SV2C: variants seen among roughly 807,000 people sequenced by gnomAD.
The protein encoded by SV2C is solute carrier family 22 member B3.
SV2C carries 49 observed loss-of-function variants against 79.7 expected under a neutral mutation model. The observed-to-expected ratio is 0.61, with a 90% CI of 0.49 to 0.78. The LOEUF (loss-of-function observed/expected upper bound fraction) is 0.78. Among genes scored for constraint, SV2C ranks in the 30% least tolerant of loss-of-function variants. The pLI, the probability that SV2C is intolerant of heterozygous loss-of-function variation, is 0.00. For synonymous variants in SV2C, 334 were observed against 333.2 expected (o/e 1.00, Z -0.03); for missense variants, 833 against 912.9 (o/e 0.91, Z 1.13).
the SV2C span, among the ~76,000 whole-genome samples, chr5:76,058,965 G>A: frequency 6.6e-6 from 1 of 152,072 alleles, no homozygotes; most frequent in Non-Finnish European, 1.5e-5. Context: ...CTAAAAGAAA[G>A]CAAATAATGT....
At chr5:75,987,688 T>G in the SV2C span, among the ~76,000 whole-genome samples, 1 of 152,154 alleles carries the variant, frequency 6.6e-6, no homozygotes, top group Middle Eastern at 3.4e-3. Flanking sequence ...TTCATTTCTC[T>G]CATAAAATAA....
the SV2C span, among the ~76,000 whole-genome samples, chr5:75,945,423 C>T: frequency 6.6e-6 from 1 of 151,822 alleles, no homozygotes; most frequent in Non-Finnish European, 1.5e-5. Flanking sequence ...GTGATCCTCC[C>T]ACCTCAGCCT....
chr5:75,967,100 GAAGT>G, the SV2C span, among the ~76,000 whole-genome samples: 20 of 152,170 alleles, frequency 1.3e-4, no homozygotes, highest in Non-Finnish European at 2.6e-4. Flanking sequence ...TTGAGAGGCT[GAAGT>G]AAGAGGATTG....
chr5:76,150,198 C>CTTT (rs397998189), intron 2 of SV2C, among the ~76,000 whole-genome samples: 1 of 122,408 alleles, frequency 8.2e-6, no homozygotes, highest in South Asian at 2.7e-4. Flanking sequence ...GATTTAATAT[C>CTTT]TTTTTTTTTT....
intron 12 of SV2C, among the ~76,000 whole-genome samples, chr5:76,310,754 T>A (rs1051366710): frequency 1.4e-4 from 21 of 152,124 alleles, no homozygotes; most frequent in African/African-American, 5.1e-4. Flanking sequence ...AAATAACATG[T>A]CTGAGAGGCA....
rs969864524 is a variant in SV2C, at chr5:76,085,410, C to A, written c.-102+1898C>A. On this transcript the variant is annotated intron_variant, in intron 1 of 12. Transcript: ENST00000502798. ...GGTGGAAAATAATAAATCAAATCCA[C>A]GATCCATTTTATTCTTTTTTTTAAA... Among the ~76,000 whole-genome samples the A allele has an allele frequency of 3.3e-5, 5 of 152,280 alleles. No homozygotes were observed. In the East Asian group the frequency reaches 9.6e-4, roughly 29 times the overall value.
chr5:76,177,492 A>G (rs7710307), intron 2 of SV2C, among the ~76,000 whole-genome samples: 105,015 of 151,894 alleles, frequency 0.69, 37,443 homozygotes, highest in East Asian at 0.97. Context: ...ATAAACTAGA[A>G]TAATTATAAC....
At chr5:76,011,508 G>T in the SV2C span, among the ~76,000 whole-genome samples, 1 of 152,066 alleles carries the variant, frequency 6.6e-6, no homozygotes, top group Non-Finnish European at 1.5e-5. Flanking sequence ...AACCTTATCA[G>T]ATCCAACCTC....
intron 12 of SV2C, among the ~76,000 whole-genome samples, chr5:76,320,433 G>C (rs1250780282): frequency 6.6e-6 from 1 of 152,046 alleles, no homozygotes; most frequent in Non-Finnish European, 1.5e-5. Context: ...ATTGAACTTT[G>C]GCTAATAACA....
chr5:76,031,449 G>A, the SV2C span, among the ~76,000 whole-genome samples: 1 of 152,324 alleles, frequency 6.6e-6, no homozygotes, highest in Non-Finnish European at 1.5e-5. Context: ...TCTTGCTGCT[G>A]TTACCTTGAT....
At position 76,209,820 on chromosome 5, in the gene SV2C, C is replaced by T. The variant is rs1744716662; in HGVS notation, c.846C>T (p.Leu282=). ...AGCGGGGCGAACACTTGAGCTGGCT[C>T]TGCATGTTCTGGATGATCGGTGGCA... ...REKRGEHLSW[L]CMFWMIGGIY... Residue 282 remains leucine, a synonymous_variant, in exon 4 of 13, where the codon CTC becomes CTT. Transcript: ENST00000502798. 6.2e-7 allele frequency: 1 copy of T among 1,614,116 alleles called. No individual in the cohort carries two copies. The highest frequency in any genetic ancestry group is 1.3e-5 in the African/African-American group (1 of 74,946).
chr5:76,188,753 G>T (rs1744000281), intron 2 of SV2C, among the ~76,000 whole-genome samples: 1 of 151,882 alleles, frequency 6.6e-6, no homozygotes, highest in African/African-American at 2.4e-5. Context: ...ATAGCAAATT[G>T]TGGATAACAA....
the SV2C span, among the ~76,000 whole-genome samples, chr5:76,022,148 C>T: frequency 1.8e-4 from 28 of 152,200 alleles, no homozygotes; most frequent in Non-Finnish European, 3.1e-4. Context: ...TAATGCCTCA[C>T]AGCGGCATTA....
At chr5:75,865,419 C>T in the SV2C span, among the ~76,000 whole-genome samples, 1 of 152,100 alleles carries the variant, frequency 6.6e-6, no homozygotes, top group Non-Finnish European at 1.5e-5. Flanking sequence ...AAAACTCATG[C>T]TTGGTTTATA....
At chr5:75,952,290 T>TTCCTTC in the SV2C span, among the ~76,000 whole-genome samples, 5 of 80,864 alleles carry the variant, frequency 6.2e-5, no homozygotes, top group African/African-American at 1.7e-4. Flanking sequence ...TTCCTTCCTT[T>TTCCTTC]CTTCCTTCCT....
chr5:76,146,923 A>T (rs1335517067), intron 2 of SV2C, among the ~76,000 whole-genome samples: 2 of 152,132 alleles, frequency 1.3e-5, no homozygotes, highest in East Asian at 3.8e-4. Context: ...GAACCTGAAA[A>T]ACATGATATT....
At chr5:76,240,634 T>C (rs1745756187) in intron 4 of SV2C, among the ~76,000 whole-genome samples, 1 of 152,184 alleles carries the variant, frequency 6.6e-6, no homozygotes, top group Non-Finnish European at 1.5e-5. Flanking sequence ...AGTTCTGTTA[T>C]ACACTCTTTA....
rs114096286 is a variant in SV2C at position 76,254,445 on chromosome 5, C to G, written c.914-30717C>G. 7.0e-3 allele frequency among the ~76,000 whole-genome samples: 1,063 copies of G among 152,146 alleles called. 17 individuals carry two copies. Among genetic ancestry groups the G allele is most frequent in the African/African-American group, 0.025 (1,038 of 41,500 alleles). On this transcript the variant is annotated intron_variant, in intron 4 of 12. Coordinates refer to ENST00000502798, the MANE Select transcript of SV2C (RefSeq NM_014979.4). ...AGACAGAAGGCAAACATTACTCAAA[C>G]CTCCATGTTTAGCTTTACAATGGTG... is the stretch of plus-strand genomic sequence containing the variant.
chr5:75,847,521 T>C, the SV2C span, among the ~76,000 whole-genome samples: 1 of 152,238 alleles, frequency 6.6e-6, no homozygotes. Context: ...TTCAGTGGAA[T>C]ATCTACTGTT....
Sources: gnomAD v4.1 joint callset for allele counts (sites outside exome capture counted in the v4.1 genomes callset) on GRCh38, gnomAD v4.1.1 for gene constraint, MANE v1.5 for transcripts, NCBI Gene and HGNC (gene_info 2026-07-23, HGNC 2026-07-21) for gene names.